Variants in RBFOX2 observed in about 807,000 individuals in gnomAD.
RBFOX2 encodes RNA binding fox-1 homolog 2, also known as RNA binding protein fox-1 homolog 2.
A neutral mutation model predicts 49.1 loss-of-function variants in RBFOX2; 10 were observed. The ratio of observed to expected loss-of-function variants is 0.20; its 90% CI spans 0.13 to 0.35. The LOEUF (loss-of-function observed/expected upper bound fraction) is 0.35. RBFOX2 is among the 10% of genes least tolerant of loss of function. The pLI is 1.00. For synonymous variants in RBFOX2, 183 were observed against 187.4 expected (o/e 0.98, Z 0.19); for missense variants, 323 against 486.9 (o/e 0.66, Z 3.17).
intron 1 of RBFOX2, among the ~76,000 whole-genome samples, chr22:36,020,248 C>T (rs563891390): frequency 7.3e-4 from 111 of 152,242 alleles, no homozygotes; most frequent in Admixed American, 2.6e-3. Context: ...AAAATTAATT[C>T]AAGACGGATT....
At chr22:36,017,480 A>T (rs899028413) in intron 1 of RBFOX2, among the ~76,000 whole-genome samples, 9 of 152,194 alleles carry the variant, frequency 5.9e-5, no homozygotes, top group Non-Finnish European at 8.8e-5. Flanking sequence ...GTGAGCCGAG[A>T]TCATGCCATG....
chr22:35,962,777 G>C (rs1416729304), upstream of RBFOX2, among the ~76,000 whole-genome samples: 2 of 151,988 alleles, frequency 1.3e-5, no homozygotes, highest in Non-Finnish European at 2.9e-5. Flanking sequence ...ATATGGACCA[G>C]GGCTTCATTC....
intron 2 of RBFOX2, among the ~76,000 whole-genome samples, chr22:35,789,112 C>A (rs2147404606): frequency 6.6e-6 from 1 of 152,178 alleles, no homozygotes; most frequent in South Asian, 2.1e-4. Flanking sequence ...AATACCCACC[C>A]CTCATCCCAC....
intron 1 of RBFOX2, chr22:35,836,414 T>C (rs1165111443): frequency 6.6e-6 from 1 of 152,232 alleles, no homozygotes; most frequent in African/African-American, 2.4e-5. Flanking sequence ...TGGCAGCAGC[T>C]CAGGTGAAAG....
intron 2 of RBFOX2, among the ~76,000 whole-genome samples, chr22:35,793,581 C>A (rs547122034): frequency 2.6e-5 from 4 of 152,074 alleles, no homozygotes; most frequent in Non-Finnish European, 4.4e-5. Flanking sequence ...ATATATAAGA[C>A]AATTATAATC....
intron 1 of RBFOX2, among the ~76,000 whole-genome samples, chr22:35,890,354 G>A (rs1171603549): frequency 3.9e-5 from 6 of 152,094 alleles, no homozygotes; most frequent in Admixed American, 2.6e-4. Context: ...GGGTAGTACT[G>A]AATTCTATAT....
intron 2 of RBFOX2, among the ~76,000 whole-genome samples, chr22:35,787,230 G>C (rs1404711622): frequency 6.6e-6 from 1 of 152,020 alleles, no homozygotes; most frequent in Non-Finnish European, 1.5e-5. Context: ...TGTAGAAATG[G>C]GGTTTTGCCA....
In RBFOX2 at chr22:35,749,990, C is replaced by G. The variant is rs557119555; in HGVS notation, c.888-3429G>C. On this transcript the variant is annotated intron_variant, in intron 9 of 11. Transcript: ENST00000405409. The surrounding 1 kb of genome is among the most constrained non-coding windows in gnomAD (Gnocchi z 4.1). ...TTTGCCCTAGGCTCTACCACAAGCT[C>G]GGTGAAGTACACAGCCTCAATTACT... Among the ~76,000 whole-genome samples the G allele has an allele frequency of 6.6e-6, 1 of 152,164 alleles. No homozygotes were observed. Among genetic ancestry groups the G allele is most frequent in the Admixed American group, 6.5e-5 (1 of 15,284 alleles).
chr22:35,930,017 C>CTT (rs58976136), intron 1 of RBFOX2, among the ~76,000 whole-genome samples: 245 of 121,286 alleles, frequency 2.0e-3, no homozygotes, highest in Middle Eastern at 4.3e-3. Flanking sequence ...CTTAATAGAA[C>CTT]TTTTTTTTTT....
intron 1 of RBFOX2, among the ~76,000 whole-genome samples, chr22:35,933,214 T>G (rs1166249034): frequency 6.6e-6 from 1 of 152,224 alleles, no homozygotes; most frequent in Non-Finnish European, 1.5e-5. Flanking sequence ...GTCTCTGTGC[T>G]TTGGTATTCT....
upstream of RBFOX2, among the ~76,000 whole-genome samples, chr22:35,940,641 T>A (rs1333904057): frequency 6.6e-6 from 1 of 152,134 alleles, no homozygotes; most frequent in East Asian, 1.9e-4. Context: ...TACATGAATG[T>A]TCATAGCAGC....
chr22:35,964,140 TA>T (rs1556486694), upstream of RBFOX2, among the ~76,000 whole-genome samples: 1 of 152,116 alleles, frequency 6.6e-6, no homozygotes, highest in African/African-American at 2.4e-5. Context: ...TCATTTTTTT[TA>T]AAAAGCCAGG....
At chr22:36,005,995 T>C (rs1353205955) in intron 1 of RBFOX2, among the ~76,000 whole-genome samples, 2 of 152,204 alleles carry the variant, frequency 1.3e-5, no homozygotes, top group African/African-American at 4.8e-5. Flanking sequence ...TCCAGAATAA[T>C]TTGTCTTTGA....
At chr22:35,929,767 G>A (rs1603449984) in intron 1 of RBFOX2, among the ~76,000 whole-genome samples, 1 of 152,182 alleles carries the variant, frequency 6.6e-6, no homozygotes, top group South Asian at 2.1e-4. Flanking sequence ...ATACAGGCAT[G>A]AGCTACCGTG....
intron 1 of RBFOX2, among the ~76,000 whole-genome samples, chr22:35,955,059 C>T (rs1569510598): frequency 6.6e-6 from 1 of 152,194 alleles, no homozygotes; most frequent in Admixed American, 6.5e-5. Context: ...AAAATCCCAC[C>T]TCCCTTCACA....
In RBFOX2 at chr22:35,924,370, G is replaced by T. The variant is rs142658419; in HGVS notation, c.-34+14477C>A. Among the ~76,000 whole-genome samples, 706 of 152,300 alleles carry T rather than the reference G, an allele frequency of 4.6e-3. 8 individuals are homozygous for T. The highest frequency in any genetic ancestry group is 0.016 in the African/African-American group (648 of 41,562). ...GCTAAAGACACACTAAGGGAACAAA[G>T]ATCCTAATGTAGTAATAGGAGATAC... On this transcript the variant is annotated intron_variant, in intron 1 of 13. Coordinates refer to the RBFOX2 transcript ENST00000359369.
At chr22:35,996,542 T>C (rs1367598731) in intron 1 of RBFOX2, 1 of 148,362 alleles carries the variant, frequency 6.7e-6, no homozygotes, top group Non-Finnish European at 1.5e-5. Context: ...TAGGTGGAGG[T>C]TGCAGTGAGC....
chr22:36,028,090 C>A, intron 1 of RBFOX2, 150 bp downstream of exon 1: 2 of 1,260,216 alleles, frequency 1.6e-6, no homozygotes, highest in Non-Finnish European at 1.0e-6. Flanking sequence ...CCCGAGCTCG[C>A]CCCACCTTCC....
exon 11 of RBFOX2, chr22:35,745,955 C>T (rs1437582577): frequency 6.2e-7 from 1 of 1,613,862 alleles, no homozygotes. Context: ...GCGGCAGGGG[C>T]AAGGGCATGG....
Sources: gnomAD v4.1 joint callset for allele counts (sites outside exome capture counted in the v4.1 genomes callset) on GRCh38, gnomAD v4.1.1 for gene constraint, Gnocchi (gnomAD v3.1) non-coding constraint, MANE v1.5 for transcripts, NCBI Gene and HGNC (gene_info 2026-07-23, HGNC 2026-07-21) for gene names.